Variants in GSTM2 observed in about 807,000 individuals in gnomAD.
The protein encoded by GSTM2 is glutathione S-transferase mu 2.
GSTM2 carries 33 observed loss-of-function variants against 33.3 expected under a neutral mutation model. The observed-to-expected ratio is 0.99, with a 90% confidence interval of 0.75 to 1.33. The LOEUF is 1.33. GSTM2 is among the 40% of genes most tolerant of loss of function. GSTM2 has a pLI of 0.00. For synonymous variants in GSTM2, 93 were observed against 95.6 expected, an observed-to-expected ratio of 0.97 and a Z score of 0.16; for missense variants, 213 against 265.8, an observed-to-expected ratio of 0.80 and a Z score of 1.38.
At chr1:109,682,759 T>A (rs1441645682) in intron 7 of GSTM2, among the ~76,000 whole-genome samples, 3 of 126,266 alleles carry the variant, frequency 2.4e-5, no homozygotes, top group African/African-American at 7.5e-5. Context: ...TGATTTCTAT[T>A]TTCTTCTTTT....
chr1:109,668,769 A>G (rs180889976), intron 2 of GSTM2, 156 bp from the exon 3 acceptor site: 139 of 960,374 alleles, frequency 1.4e-4, no homozygotes, highest in Non-Finnish European at 1.9e-4. Context: ...CCCTCACTGG[A>G]ATTCTTTTTC....
intron 5 of GSTM2, chr1:109,670,042 G>A (rs1270628411): frequency 1.6e-5 from 1 of 60,872 alleles, no homozygotes; most frequent in Non-Finnish European, 4.2e-5. Context: ...CACTTCCACA[G>A]CCTGGAAGAC....
intron 2 of GSTM2, 87 bp from the exon 3 acceptor site, chr1:109,668,838 T>C: frequency 6.8e-7 from 1 of 1,479,658 alleles, no homozygotes; most frequent in African/African-American, 1.4e-5. Flanking sequence ...GTCTCAGGGG[T>C]CTTGCCACTG....
At chr1:109,678,654 A>G (rs71221785), downstream of GSTM2, among the ~76,000 whole-genome samples, 1 of 151,418 alleles carries the variant, frequency 6.6e-6, no homozygotes, top group Non-Finnish European at 1.5e-5. Flanking sequence ...CAGCTACTCA[A>G]GAGGCTGAGG....
chr1:109,674,761 C>T lies in GSTM2; in HGVS notation c.582C>T (p.Ile194=). The T allele has an allele frequency of 6.2e-7, 1 of 1,614,220 alleles. No homozygotes were observed. Among genetic ancestry groups the T allele is most frequent in the East Asian group, 2.2e-5 (1 of 44,868 alleles). The part of the protein sequence containing the change: ...FISRFEGLEK[I]SAYMKSSRFL... ...CCCCCTCTCAGGGCTTGGAGAAGAT[C>T]TCTGCCTACATGAAGTCCAGCCGCT... The change falls in exon 8 of 8, where the codon ATC becomes ATT. Residue 194 remains isoleucine (I), a synonymous_variant. Transcript: ENST00000241337.
chr1:109,673,920 C>T (rs1647633311), intron 7 of GSTM2, among the ~76,000 whole-genome samples: 1 of 152,136 alleles, frequency 6.6e-6, no homozygotes, highest in African/African-American at 2.4e-5. Flanking sequence ...GGCATTCAAT[C>T]CTGGTAAGAT....
At chr1:109,672,220 C>T (rs1050868562) in intron 7 of GSTM2, among the ~76,000 whole-genome samples, 2 of 151,768 alleles carry the variant, frequency 1.3e-5, no homozygotes, top group African/African-American at 4.8e-5. Flanking sequence ...GCGGAGGTTG[C>T]GGTGAGCCAA....
chr1:109,677,746 C>T (rs571766913), downstream of GSTM2, among the ~76,000 whole-genome samples: 1 of 152,242 alleles, frequency 6.6e-6, no homozygotes, highest in African/African-American at 2.4e-5. Flanking sequence ...GTGGAAAAGC[C>T]CACAGAGTAG....
At chr1:109,668,847 T>A in intron 2 of GSTM2, 78 bp from the exon 3 acceptor site, 3 of 1,559,516 alleles carry the variant, frequency 1.9e-6, no homozygotes, top group Non-Finnish European at 2.6e-6. Flanking sequence ...GTCTTGCCAC[T>A]GGCTCCTTGG....
At chr1:109,674,600 C>T in intron 7 of GSTM2, 147 bp from the exon 8 acceptor site, 6 of 927,658 alleles carry the variant, frequency 6.5e-6, no homozygotes, top group Non-Finnish European at 1.0e-5. Context: ...GATCTGGGGA[C>T]CCTAAGAAGC....
At position 109,671,630 on chromosome 1, in the gene GSTM2, C is replaced by T. The variant is rs746059575; in HGVS notation, c.567+47C>T. On this transcript the variant is annotated intron_variant, in intron 7 of 7. Transcript: ENST00000241337. ...CTCTTTATGTCTCTTATTCCTTTCC[C>T]TCCTTTGTGATGCTTTCCCAGTCCT... The T allele has an allele frequency of 3.3e-5, 35 of 1,062,376 alleles. No homozygotes were observed. The East Asian group carries it at 7.3e-4, about 22-fold the overall frequency. The allele number at this position is 1,062,376 out of a possible 1,614,324, so 65.8% of individuals were successfully genotyped here.
At chr1:109,668,180 C>A in intron 1 of GSTM2, 29 bp downstream of exon 1, 1 of 1,339,208 alleles carries the variant, frequency 7.5e-7, no homozygotes, top group Non-Finnish European at 1.1e-6. Flanking sequence ...GGCGGTGGGA[C>A]GGGGGTGCGT....
At chr1:109,679,322 T>C (rs1164042132), downstream of GSTM2, among the ~76,000 whole-genome samples, 1 of 151,960 alleles carries the variant, frequency 6.6e-6, no homozygotes, top group Non-Finnish European at 1.5e-5. Flanking sequence ...AATACAAAAA[T>C]TAGCCGGGCA....
downstream of GSTM2, among the ~76,000 whole-genome samples, chr1:109,676,036 G>A (rs751091334): frequency 7.9e-5 from 12 of 152,222 alleles, no homozygotes; most frequent in Non-Finnish European, 1.5e-4. Context: ...GCAAGAGGGC[G>A]TGTGCAGGGG....
In GSTM2 at chr1:109,671,363, C is replaced by T. The variant is rs1247954722; in HGVS notation, c.437C>T (p.Pro146Leu). Residue 146 changes from proline (P) to leucine (L), a missense_variant, in exon 6 of 8, where the codon CCA (proline) becomes CTA (leucine). Coordinates refer to ENST00000241337, the MANE Select transcript of GSTM2 (RefSeq NM_000848.4). Reference sequence around the variant, plus strand: ...TACTCACAGTTTCTGGGGAAGCAGCCATGGTTTCTTGGGGACAAGGTAATG... The same window carrying T: ...TACTCACAGTTTCTGGGGAAGCAGCTATGGTTTCTTGGGGACAAGGTAATG... ...KLYSQFLGKQ[P>L]WFLGDKITFV... 1 of 1,613,596 alleles carries T rather than the reference C, an allele frequency of 6.2e-7. No homozygotes were observed. Among genetic ancestry groups the T allele is most frequent in the Admixed American group, 1.7e-5 (1 of 60,016 alleles).
chr1:109,671,213 T>G (rs1184070859), intron 5 of GSTM2, 74 bp from the exon 6 acceptor site: 5 of 1,055,174 alleles, frequency 4.7e-6, no homozygotes, highest in Non-Finnish European at 1.5e-6. Context: ...GCTGGGGCCA[T>G]GCACAAAACT....
At chr1:109,677,664 A>G (rs1647737836), downstream of GSTM2, among the ~76,000 whole-genome samples, 1 of 152,182 alleles carries the variant, frequency 6.6e-6, no homozygotes, top group Non-Finnish European at 1.5e-5. Context: ...AAGGTTGCCT[A>G]TTGAAGGGGC....
downstream of GSTM2, among the ~76,000 whole-genome samples, chr1:109,676,205 C>G (rs1397879724): frequency 6.6e-6 from 1 of 152,190 alleles, no homozygotes; most frequent in African/African-American, 2.4e-5. Flanking sequence ...GGTGGGGACA[C>G]AGCCAAACCA....
At chr1:109,679,268 T>C (rs2101264173), downstream of GSTM2, among the ~76,000 whole-genome samples, 1 of 152,162 alleles carries the variant, frequency 6.6e-6, no homozygotes, top group Admixed American at 6.5e-5. Flanking sequence ...GTCAGGAGTT[T>C]GAGACCAGCC....
Sources: allele counts gnomAD v4.1 joint callset (sites outside exome capture counted in the v4.1 genomes callset), GRCh38; gene constraint gnomAD v4.1.1; transcripts MANE v1.5; gene names NCBI Gene and HGNC (gene_info 2026-07-23, HGNC 2026-07-21).